THADA: variants seen among roughly 807,000 people sequenced by gnomAD.
THADA encodes the protein tRNA (32-2'-O)-methyltransferase regulator THADA.
A neutral mutation model predicts 219.8 loss-of-function variants in THADA; 213 were observed. The ratio of observed to expected loss-of-function variants is 0.97; its 90% CI spans 0.87 to 1.09. The LOEUF (loss-of-function observed/expected upper bound fraction) is 1.09. THADA is among the 50% of genes least tolerant of loss of function. The probability of loss-of-function intolerance (pLI) is 0.00; values close to 1 mark genes in which losing one functional copy is unlikely to be tolerated. For synonymous variants in THADA, 1,018 were observed against 828.9 expected (o/e 1.23, Z -3.92); for missense variants, 2,956 against 2,311.3 (o/e 1.28, Z -5.72).
intron 26 of THADA, among the ~76,000 whole-genome samples, chr2:43,484,940 TA>T (rs1185045428): frequency 1.3e-3 from 175 of 130,228 alleles, no homozygotes; most frequent in Admixed American, 2.5e-3. Flanking sequence ...AAGATGCAAT[TA>T]AAAAAAAAAA....
At chr2:43,297,449 G>GC (rs929183698) in intron 31 of THADA, among the ~76,000 whole-genome samples, 3 of 102,854 alleles carry the variant, frequency 2.9e-5, no homozygotes, top group African/African-American at 1.1e-4. Context: ...GAGGGAGGTG[G>GC]GGGGGGGTCA....
intron 34 of THADA, among the ~76,000 whole-genome samples, chr2:43,288,140 C>T (rs540750969): frequency 2.0e-5 from 3 of 152,342 alleles, no homozygotes; most frequent in Admixed American, 6.5e-5. Flanking sequence ...AATCACAGGC[C>T]GGGCACAGTG....
intron 26 of THADA, among the ~76,000 whole-genome samples, chr2:43,448,151 C>A (rs1039055916): frequency 1.3e-5 from 2 of 152,162 alleles, no homozygotes; most frequent in South Asian, 2.1e-4. Context: ...AAGTAGGAAG[C>A]ACTAGGAACC....
At chr2:43,545,348 G>A (rs933499232) in intron 20 of THADA, among the ~76,000 whole-genome samples, 5 of 151,826 alleles carry the variant, frequency 3.3e-5, no homozygotes, top group African/African-American at 1.2e-4. Flanking sequence ...TTTTGGTTGT[G>A]TCTCTGCCTG....
chr2:43,578,391 C>A (rs1335226850), intron 9 of THADA, 122 bp downstream of exon 9: 3 of 593,530 alleles, frequency 5.1e-6, no homozygotes, highest in Non-Finnish European at 2.9e-6. Flanking sequence ...AAGTGACCCT[C>A]CTGCCCTGGC....
At chr2:43,395,668 C>G (rs1673939947) in intron 29 of THADA, among the ~76,000 whole-genome samples, 1 of 152,210 alleles carries the variant, frequency 6.6e-6, no homozygotes, top group Non-Finnish European at 1.5e-5. Context: ...TTGCCAGAGG[C>G]TACAAGGTGT....
chr2:43,348,682 G>A (rs910422238), intron 29 of THADA, among the ~76,000 whole-genome samples: 18 of 152,216 alleles, frequency 1.2e-4, no homozygotes, highest in African/African-American at 3.4e-4. Flanking sequence ...GAGTTAAGGC[G>A]CAGGAAAGAG....
chr2:43,316,080 C>T (rs753635282), intron 31 of THADA, among the ~76,000 whole-genome samples: 1 of 152,176 alleles, frequency 6.6e-6, no homozygotes, highest in Admixed American at 6.5e-5. Context: ...TTGATTTGTG[C>T]CCTTACAGCT....
intron 35 of THADA, among the ~76,000 whole-genome samples, chr2:43,283,364 G>A (rs1673594512): frequency 6.6e-6 from 1 of 152,250 alleles, no homozygotes; most frequent in Non-Finnish European, 1.5e-5. Flanking sequence ...ACCTGAAAAT[G>A]TGGAAGCAAC....
At chr2:43,247,949 G>A (rs917601392) in intron 36 of THADA, among the ~76,000 whole-genome samples, 3 of 150,852 alleles carry the variant, frequency 2.0e-5, no homozygotes, top group Non-Finnish European at 3.0e-5. Flanking sequence ...AAGCTGAGGC[G>A]GGAGGATTAC....
intron 29 of THADA, among the ~76,000 whole-genome samples, chr2:43,375,326 C>T (rs1345381544): frequency 2.0e-5 from 3 of 152,326 alleles, no homozygotes; most frequent in East Asian, 3.9e-4. Flanking sequence ...CCTCTAGCCA[C>T]CACATAATCC....
chr2:43,495,273 A>G lies in THADA; in HGVS notation c.3744+3560T>C, dbSNP rs187844159. Among the ~76,000 whole-genome samples the G allele has an allele frequency of 9.2e-5, 14 of 152,322 alleles. No homozygotes were observed. In the East Asian group the frequency reaches 2.7e-3, roughly 29 times the overall value. ...ATTAAGTAACAGTGTTGATCATTATAGCTATGATATTTATTTCCTCTAGTA... is the reference window on the plus strand; with the variant it reads ...ATTAAGTAACAGTGTTGATCATTATGGCTATGATATTTATTTCCTCTAGTA... On this transcript the variant is annotated intron_variant, in intron 25 of 37. Transcript: ENST00000405975.
intron 4 of THADA, among the ~76,000 whole-genome samples, chr2:43,589,362 G>A (rs1420165361): frequency 6.6e-6 from 1 of 152,178 alleles, no homozygotes; most frequent in African/African-American, 2.4e-5. Context: ...AGTGAAATAA[G>A]TCAGTCACAA....
intron 28 of THADA, among the ~76,000 whole-genome samples, chr2:43,413,478 G>A (rs1263769499): frequency 1.3e-5 from 2 of 152,148 alleles, no homozygotes; most frequent in Non-Finnish European, 2.9e-5. Context: ...ATATATGCTT[G>A]GCTACTTAAT....
intron 28 of THADA, chr2:43,408,394 A>T (rs148226704): frequency 1.3e-5 from 2 of 152,258 alleles, no homozygotes; most frequent in Non-Finnish European, 2.9e-5. Context: ...ATTTATTTAA[A>T]GACAAGTTTG....
chr2:43,301,856 G>A (rs1208092983), intron 31 of THADA, among the ~76,000 whole-genome samples: 3 of 152,106 alleles, frequency 2.0e-5, no homozygotes, highest in Non-Finnish European at 4.4e-5. Flanking sequence ...TTTCACAATC[G>A]GGATTTTTCC....
chr2:43,497,370 G>A (rs1438228098), intron 25 of THADA, among the ~76,000 whole-genome samples: 1 of 152,184 alleles, frequency 6.6e-6, no homozygotes, highest in Non-Finnish European at 1.5e-5. Flanking sequence ...AAAGGAATGA[G>A]ATCATGTCCT....
At chr2:43,562,133 G>A (rs537235713) in intron 15 of THADA, 1 of 152,040 alleles carries the variant, frequency 6.6e-6, no homozygotes. Context: ...ATATGCTGTT[G>A]GATTTGGTTT....
Position 43,470,121 on chromosome 2 carries a change from T to C in THADA, c.3836+15113A>G, listed in dbSNP as rs116582207. ...CTACTTGGGGGCTGAGGCAAGAGAA[T>C]TGCTTGAACCCAGGAGGTCGAGGCA... On this transcript the variant is annotated intron_variant, in intron 26 of 37. Transcript: ENST00000405975. 6.3e-3 allele frequency among the ~76,000 whole-genome samples: 952 copies of C among 150,758 alleles called. 11 individuals carry two copies. Among genetic ancestry groups the C allele is most frequent in the African/African-American group, 0.022 (917 of 40,940 alleles).
Sources: allele counts gnomAD v4.1 joint callset (sites outside exome capture counted in the v4.1 genomes callset), GRCh38; gene constraint gnomAD v4.1.1; transcripts MANE v1.5; gene names NCBI Gene and HGNC (gene_info 2026-07-23, HGNC 2026-07-21).